Variants in NFIA observed in about 807,000 individuals in gnomAD.
The protein encoded by NFIA is nuclear factor I A.
A neutral mutation model predicts 62.8 loss-of-function variants in NFIA; 8 were observed. The observed-to-expected ratio is 0.13, with a 90% CI of 0.07 to 0.23. NFIA has a LOEUF of 0.23. Among genes scored for constraint, NFIA ranks in the 10% least tolerant of loss-of-function variants. The pLI is 1.00. For missense variants in NFIA, 410 were observed against 642.1 expected (o/e 0.64, Z 3.91); for synonymous variants, 235 against 238.1 (o/e 0.99, Z 0.12).
intron 2 of NFIA, among the ~76,000 whole-genome samples, chr1:61,242,213 T>C (rs757357669): frequency 2.6e-5 from 4 of 152,142 alleles, no homozygotes; most frequent in Non-Finnish European, 5.9e-5. Flanking sequence ...GGTCCAACTT[T>C]TCAGACACTT....
At chr1:61,165,784 A>G (rs1649528681) in intron 2 of NFIA, among the ~76,000 whole-genome samples, 1 of 152,208 alleles carries the variant, frequency 6.6e-6, no homozygotes, top group African/African-American at 2.4e-5. Flanking sequence ...TTACTCCTCA[A>G]TATTACTATG....
intron 2 of NFIA, among the ~76,000 whole-genome samples, chr1:61,212,066 T>C (rs759061179): frequency 6.6e-6 from 1 of 152,070 alleles, no homozygotes; most frequent in Admixed American, 6.6e-5. Context: ...GCAAATTGGG[T>C]TGTTGGATTT....
intron 2 of NFIA, among the ~76,000 whole-genome samples, chr1:61,185,930 C>T (rs548447222): frequency 6.6e-6 from 1 of 152,026 alleles, no homozygotes; most frequent in Non-Finnish European, 1.5e-5. Context: ...ATTTATTTAT[C>T]TTTTGCACTA....
intron 4 of NFIA, among the ~76,000 whole-genome samples, chr1:61,350,646 C>G (rs752315356): frequency 1.3e-4 from 19 of 151,864 alleles, no homozygotes; most frequent in Non-Finnish European, 2.4e-4. Flanking sequence ...GTCTCTAAAA[C>G]AAAGAAAGAA....
chr1:61,086,185 A>G (rs1646215133), intron 1 of NFIA, among the ~76,000 whole-genome samples: 1 of 152,140 alleles, frequency 6.6e-6, no homozygotes. Context: ...TTTTTTGCAT[A>G]ATACAACAGA....
intron 2 of NFIA, among the ~76,000 whole-genome samples, chr1:61,158,776 G>A (rs572955983): frequency 7.2e-5 from 11 of 152,316 alleles, no homozygotes; most frequent in African/African-American, 2.2e-4. Flanking sequence ...CTTCCTGTAT[G>A]TGAAGAAATG....
At chr1:61,307,687 T>C (rs1659873979) in intron 3 of NFIA, among the ~76,000 whole-genome samples, 1 of 152,232 alleles carries the variant, frequency 6.6e-6, no homozygotes, top group South Asian at 2.1e-4. Context: ...CCACTATCAG[T>C]GCTTCCCCAG....
chr1:61,230,839 G>A (rs1431676872), intron 2 of NFIA, among the ~76,000 whole-genome samples: 1 of 152,180 alleles, frequency 6.6e-6, no homozygotes, highest in African/African-American at 2.4e-5. Context: ...TGTCAGTGCA[G>A]GGCCATTGCG....
chr1:61,268,861 A>C (rs1657338634), intron 2 of NFIA, among the ~76,000 whole-genome samples: 1 of 152,102 alleles, frequency 6.6e-6, no homozygotes, highest in Non-Finnish European at 1.5e-5. Context: ...TTTAATTAGC[A>C]AGGGGACCCT....
chr1:61,269,258 A>C (rs1255452125), intron 2 of NFIA, among the ~76,000 whole-genome samples: 1 of 152,170 alleles, frequency 6.6e-6, no homozygotes, highest in Non-Finnish European at 1.5e-5. Flanking sequence ...GGAATAAAGA[A>C]GACTTCGGAC....
intron 2 of NFIA, among the ~76,000 whole-genome samples, chr1:61,272,448 CTGGA>C (rs1390844111): frequency 6.6e-6 from 1 of 152,058 alleles, no homozygotes; most frequent in East Asian, 1.9e-4. Flanking sequence ...ATTTGATTTT[CTGGA>C]TTTCGTTAAT....
chr1:61,442,431 A>G (rs758589170), intron 10 of NFIA, among the ~76,000 whole-genome samples: 7 of 152,204 alleles, frequency 4.6e-5, no homozygotes, highest in Non-Finnish European at 1.0e-4. Context: ...TGAACTATCA[A>G]CTATTAAATC....
chr1:61,458,589 C>T lies in NFIA; in HGVS notation c.*3269C>T, dbSNP rs1467827062. ...CTGTCAAATTAGCCTAGTAAAATTT[C>T]TGATCGTTCATTATAAAGGCAGCGT... On this transcript the variant is annotated 3_prime_UTR_variant, in exon 11 of 11. Coordinates refer to ENST00000403491, the MANE Select transcript of NFIA (RefSeq NM_001134673.4). The T allele has an allele frequency of 6.6e-6, 1 of 151,732 alleles. No individual in the cohort carries two copies. Among genetic ancestry groups the T allele is most frequent in the Non-Finnish European group, 1.5e-5 (1 of 67,980 alleles). The allele number at this position is 151,732 out of a possible 1,614,324, so 9.4% of individuals were successfully genotyped here.
Position 61,455,480 on chromosome 1 carries a change from A to G in NFIA, c.*160A>G, listed in dbSNP as rs1475047583. On this transcript the variant is annotated 3_prime_UTR_variant, in exon 11 of 11. Coordinates refer to ENST00000403491, the MANE Select transcript of NFIA (RefSeq NM_001134673.4). The stretch of plus-strand genomic sequence containing the variant: ...CTTGTACATGGAAACAGCAAGCATT[A>G]TGGTCAAACAGCAAAGGCCATAACC... The G allele has an allele frequency of 2.6e-6, 3 of 1,167,534 alleles. No individual in the cohort carries two copies. Among genetic ancestry groups the G allele is most frequent in the African/African-American group, 3.1e-5 (2 of 64,102 alleles). The allele number at this position is 1,167,534 out of a possible 1,614,324, so 72.3% of individuals were successfully genotyped here.
chr1:61,391,815 T>C (rs1172118279), intron 7 of NFIA, among the ~76,000 whole-genome samples: 2 of 152,230 alleles, frequency 1.3e-5, no homozygotes, highest in Non-Finnish European at 2.9e-5. Flanking sequence ...TTAGGAAAGC[T>C]TTTAACTTAG....
intron 3 of NFIA, among the ~76,000 whole-genome samples, chr1:61,305,625 A>T (rs1370302020): frequency 2.0e-5 from 3 of 152,176 alleles, no homozygotes; most frequent in Non-Finnish European, 4.4e-5. Context: ...GAGGGGTAGG[A>T]TTCCTTCAAT....
intron 10 of NFIA, among the ~76,000 whole-genome samples, chr1:61,436,608 G>A (rs1667340745): frequency 6.6e-6 from 1 of 152,138 alleles, no homozygotes; most frequent in Non-Finnish European, 1.5e-5. Flanking sequence ...ATCCATCGAA[G>A]ATCTCACGTG....
chr1:61,144,102 A>G (rs1475573394), intron 2 of NFIA, among the ~76,000 whole-genome samples: 1 of 152,230 alleles, frequency 6.6e-6, no homozygotes, highest in African/African-American at 2.4e-5. Context: ...TGAACAAAAA[A>G]GAATCCTTGC....
At chr1:61,249,092 A>G (rs1655841745) in intron 2 of NFIA, 1 of 152,206 alleles carries the variant, frequency 6.6e-6, no homozygotes, top group Non-Finnish European at 1.5e-5. Context: ...AAGGCATCCA[A>G]CTTTTATGAC....
Sources: gnomAD v4.1 joint callset for allele counts (sites outside exome capture counted in the v4.1 genomes callset) on GRCh38, gnomAD v4.1.1 for gene constraint, MANE v1.5 for transcripts, NCBI Gene and HGNC (gene_info 2026-07-23, HGNC 2026-07-21) for gene names.